CAMKMT: variants seen among roughly 807,000 people sequenced by gnomAD.
The protein encoded by CAMKMT is calmodulin-lysine N-methyltransferase.
In CAMKMT, 53 loss-of-function variants were observed where a neutral mutation model predicts 48.0. The ratio of observed to expected loss-of-function variants is 1.10; its 90% CI spans 0.89 to 1.39. The LOEUF (loss-of-function observed/expected upper bound fraction) is 1.39, where lower values mean the gene tolerates loss of function less well. CAMKMT is among the 40% of genes most tolerant of loss of function. CAMKMT has a pLI of 0.00. For synonymous variants in CAMKMT, 165 were observed against 152.3 expected, an observed-to-expected ratio of 1.08 and a Z score of -0.61; for missense variants, 428 against 402.7, an observed-to-expected ratio of 1.06 and a Z score of -0.54.
At chr2:44,420,706 G>C (rs919907763) in intron 3 of CAMKMT, among the ~76,000 whole-genome samples, 1 of 151,888 alleles carries the variant, frequency 6.6e-6, no homozygotes, top group Non-Finnish European at 1.5e-5. Context: ...TGGATAATTT[G>C]GAGCTAAAAT....
chr2:44,582,742 A>G (rs951259406), intron 3 of CAMKMT, among the ~76,000 whole-genome samples: 3 of 152,204 alleles, frequency 2.0e-5, no homozygotes, highest in African/African-American at 7.2e-5. Context: ...TGAAAGTTAC[A>G]TGCAGAGGTG....
At chr2:44,579,231 A>AT (rs11451478) in intron 3 of CAMKMT, among the ~76,000 whole-genome samples, 89,624 of 150,512 alleles carry the variant, frequency 0.6, 27,277 homozygotes, top group Admixed American at 0.68. Context: ...ATAATGTTCT[A>AT]TTTTTTTTTT....
intron 3 of CAMKMT, among the ~76,000 whole-genome samples, chr2:44,514,225 T>C (rs1464595781): frequency 6.6e-6 from 1 of 152,132 alleles, no homozygotes; most frequent in Non-Finnish European, 1.5e-5. Context: ...TGTCCGGGGC[T>C]AGGACCTATA....
At chr2:44,521,297 A>C (rs62135369) in intron 3 of CAMKMT, among the ~76,000 whole-genome samples, 2 of 151,702 alleles carry the variant, frequency 1.3e-5, no homozygotes, top group African/African-American at 4.8e-5. Context: ...TTTTTTTTTA[A>C]TAGACAGAGT....
chr2:44,614,960 T>TTTTTTTTTA (rs1671802323), intron 3 of CAMKMT, among the ~76,000 whole-genome samples: 2 of 140,012 alleles, frequency 1.4e-5, no homozygotes, highest in African/African-American at 2.7e-5. Context: ...TTTTTTTTTT[T>TTTTTTTTTA]GAGACAGGGT....
intron 3 of CAMKMT, among the ~76,000 whole-genome samples, chr2:44,538,612 G>A (rs1474231100): frequency 1.3e-5 from 2 of 152,002 alleles, no homozygotes; most frequent in South Asian, 4.2e-4. Context: ...GGACTTCAGG[G>A]ACTCAGGAGG....
chr2:44,421,629 C>T (rs1473826254), intron 3 of CAMKMT, among the ~76,000 whole-genome samples: 1 of 152,112 alleles, frequency 6.6e-6, no homozygotes, highest in Non-Finnish European at 1.5e-5. Flanking sequence ...GTTTAATATT[C>T]ATAACAGGCT....
chr2:44,482,945 C>T (rs980765650), intron 3 of CAMKMT, among the ~76,000 whole-genome samples: 1 of 152,114 alleles, frequency 6.6e-6, no homozygotes, highest in African/African-American at 2.4e-5. Flanking sequence ...TCAGGTTCTG[C>T]TTAAAGTCAA....
intron 8 of CAMKMT, among the ~76,000 whole-genome samples, chr2:44,753,281 G>C (rs989440177): frequency 6.9e-6 from 1 of 144,592 alleles, no homozygotes; most frequent in African/African-American, 2.6e-5. Flanking sequence ...AAAAGAACTA[G>C]CTGGGCATGG....
chr2:44,537,087 T>C (rs1666817179), intron 3 of CAMKMT, among the ~76,000 whole-genome samples: 1 of 152,128 alleles, frequency 6.6e-6, no homozygotes, highest in South Asian at 2.1e-4. Context: ...GGAAACAGTT[T>C]AGGACACTGG....
chr2:44,740,467 G>A (rs868307575), intron 7 of CAMKMT, among the ~76,000 whole-genome samples: 31 of 152,128 alleles, frequency 2.0e-4, no homozygotes, highest in African/African-American at 6.0e-4. Flanking sequence ...AAGAAGCAGG[G>A]TCATCAGCTG....
At chr2:44,436,779 G>A in intron 3 of CAMKMT, among the ~76,000 whole-genome samples, 1 of 151,902 alleles carries the variant, frequency 6.6e-6, no homozygotes. Context: ...CCATAATAGT[G>A]ACTTTTAAAC....
At chr2:44,758,266 G>A (rs1006998550) in intron 9 of CAMKMT, among the ~76,000 whole-genome samples, 2 of 152,184 alleles carry the variant, frequency 1.3e-5, no homozygotes, top group African/African-American at 4.8e-5. Flanking sequence ...TAGATGGAGA[G>A]GGGGAGTTTC....
At chr2:44,621,842 CAA>C (rs1012733539) in intron 3 of CAMKMT, among the ~76,000 whole-genome samples, 6 of 151,962 alleles carry the variant, frequency 3.9e-5, no homozygotes, top group African/African-American at 1.5e-4. Flanking sequence ...ATTTTTAGGA[CAA>C]GAGTAAAATG....
chr2:44,685,888 A>AT (rs909425970), intron 3 of CAMKMT, among the ~76,000 whole-genome samples: 18 of 148,758 alleles, frequency 1.2e-4, no homozygotes, highest in East Asian at 3.9e-4. Context: ...ATGAGGTCAG[A>AT]TTTTTTTTTT....
intron 3 of CAMKMT, among the ~76,000 whole-genome samples, chr2:44,668,165 G>A (rs961995648): frequency 1.3e-5 from 2 of 152,128 alleles, no homozygotes; most frequent in Non-Finnish European, 2.9e-5. Context: ...ATTCTCAGCT[G>A]ATGACCTGGC....
Position 44,717,629 on chromosome 2 carries a change from G to A in CAMKMT, c.623+2276G>A, listed in dbSNP as rs536043121. 3.3e-5 allele frequency among the ~76,000 whole-genome samples: 5 copies of A among 152,270 alleles called. No homozygotes were observed. The South Asian group carries it at 1.0e-3, about 32-fold the overall frequency. ...AGAATTTCTCCTCCAAATTGGAGAT[G>A]TGGAATAAGAGTAGTGACAGATAAC... On this transcript the variant is annotated intron_variant, in intron 7 of 10. Transcript: ENST00000378494.
At chr2:44,701,064 C>T (rs1677232972) in intron 3 of CAMKMT, among the ~76,000 whole-genome samples, 1 of 152,110 alleles carries the variant, frequency 6.6e-6, no homozygotes, top group South Asian at 2.1e-4. Context: ...GGGTTGTTTC[C>T]ACTTTTGGGC....
intron 3 of CAMKMT, among the ~76,000 whole-genome samples, chr2:44,445,604 G>A (rs1188116418): frequency 6.8e-6 from 1 of 146,012 alleles, no homozygotes; most frequent in Non-Finnish European, 1.5e-5. Context: ...GTTGGCTTAG[G>A]ACTGGGCTCA....
Sources: gnomAD v4.1 joint callset for allele counts (sites outside exome capture counted in the v4.1 genomes callset) on GRCh38, gnomAD v4.1.1 for gene constraint, MANE v1.5 for transcripts, NCBI Gene and HGNC (gene_info 2026-07-23, HGNC 2026-07-21) for gene names.